Variants in GPC5 observed in about 807,000 individuals in gnomAD.
The protein encoded by GPC5 is glypican-5.
GPC5 carries 47 observed loss-of-function variants against 53.9 expected under a neutral mutation model. The observed-to-expected ratio is 0.87, with a 90% CI of 0.69 to 1.11. GPC5 has a LOEUF of 1.11. Among genes scored for constraint, GPC5 ranks in the 50% most tolerant of loss-of-function variants. The pLI is 0.00. For missense variants in GPC5, 748 were observed against 713.1 expected (o/e 1.05, Z -0.56); for synonymous variants, 286 against 263.3 (o/e 1.09, Z -0.84).
At chr13:91,986,010 C>A (rs182393873) in intron 6 of GPC5, among the ~76,000 whole-genome samples, 93 of 144,428 alleles carry the variant, frequency 6.4e-4, no homozygotes, top group African/African-American at 2.3e-3. Context: ...CACTAGTAGT[C>A]AAAAAGTTTT....
chr13:92,425,745 T>G (rs1202070216), intron 7 of GPC5, among the ~76,000 whole-genome samples: 2 of 152,144 alleles, frequency 1.3e-5, no homozygotes, highest in African/African-American at 4.8e-5. Flanking sequence ...CTAGGAAAGA[T>G]AATTGTTCAT....
chr13:91,488,927 A>G (rs959801986), intron 2 of GPC5, among the ~76,000 whole-genome samples: 6 of 152,176 alleles, frequency 3.9e-5, no homozygotes, highest in African/African-American at 1.4e-4. Flanking sequence ...GGCCTCGAAA[A>G]TGGCCGCTTT....
chr13:91,467,475 C>T (rs1412514078), intron 2 of GPC5, among the ~76,000 whole-genome samples: 6 of 152,124 alleles, frequency 3.9e-5, no homozygotes, highest in Non-Finnish European at 8.8e-5. Flanking sequence ...CCTCATTTTG[C>T]TTTCTTTTCT....
chr13:91,950,255 A>G (rs1373330405), intron 6 of GPC5, among the ~76,000 whole-genome samples: 1 of 147,160 alleles, frequency 6.8e-6, no homozygotes. Context: ...GAATTTTACT[A>G]AAACTGCCAA....
chr13:92,545,930 T>C (rs187525627), intron 7 of GPC5, among the ~76,000 whole-genome samples: 1 of 152,258 alleles, frequency 6.6e-6, no homozygotes, highest in African/African-American at 2.4e-5. Context: ...TTTAATTAGA[T>C]CCCATTTGTC....
In GPC5 at chr13:91,466,284, A is replaced by C. The variant is rs182646184; in HGVS notation, c.325+17362A>C. Among the ~76,000 whole-genome samples, 461 of 152,256 alleles carry C rather than the reference A, an allele frequency of 3.0e-3. 25 individuals carry two copies. The South Asian group carries it at 0.087, about 29-fold the overall frequency. On this transcript the variant is annotated intron_variant, in intron 2 of 7. Transcript: ENST00000377067. ...TACAGCTTCCCTGCTGCCACCCAGG[A>C]GTGCGCTGTATGTAAGTCCTATTAA... is the stretch of plus-strand genomic sequence containing the variant.
At chr13:91,489,209 C>G (rs2139246346) in intron 2 of GPC5, among the ~76,000 whole-genome samples, 1 of 152,298 alleles carries the variant, frequency 6.6e-6, no homozygotes, top group East Asian at 1.9e-4. Context: ...AGCATGTGAT[C>G]TCTGTGACTC....
intron 6 of GPC5, among the ~76,000 whole-genome samples, chr13:92,050,719 G>GTCTGT (rs1234384015): frequency 6.6e-6 from 1 of 152,130 alleles, no homozygotes; most frequent in East Asian, 1.9e-4. Context: ...GTAAATTTGA[G>GTCTGT]TCTGTATAAT....
intron 7 of GPC5, among the ~76,000 whole-genome samples, chr13:92,267,563 C>T (rs1366606673): frequency 6.6e-6 from 1 of 152,046 alleles, no homozygotes; most frequent in Non-Finnish European, 1.5e-5. Flanking sequence ...TTAGTAAAAC[C>T]TGGGACTTGA....
intron 7 of GPC5, among the ~76,000 whole-genome samples, chr13:92,652,999 G>C (rs912907870): frequency 2.0e-5 from 3 of 152,132 alleles, no homozygotes; most frequent in Non-Finnish European, 2.9e-5. Flanking sequence ...TGTAGTGTTT[G>C]TATGGGTGTG....
At chr13:92,402,534 A>G (rs1875604098) in intron 7 of GPC5, among the ~76,000 whole-genome samples, 5 of 152,158 alleles carry the variant, frequency 3.3e-5, no homozygotes, top group Admixed American at 2.6e-4. Context: ...TGTCAGTATA[A>G]TGTCCAAGAA....
chr13:91,699,695 G>C (rs1476026566), intron 3 of GPC5, among the ~76,000 whole-genome samples: 3 of 152,144 alleles, frequency 2.0e-5, no homozygotes, highest in Non-Finnish European at 4.4e-5. Flanking sequence ...AATGAAAGTG[G>C]GCTGACTTTG....
intron 6 of GPC5, among the ~76,000 whole-genome samples, chr13:92,016,959 AATGGTG>A (rs1243718124): frequency 6.6e-6 from 1 of 152,104 alleles, no homozygotes; most frequent in African/African-American, 2.4e-5. Context: ...ACCTCTGGAC[AATGGTG>A]AAAGTACTGT....
intron 7 of GPC5, among the ~76,000 whole-genome samples, chr13:92,764,975 T>C (rs1875336823): frequency 6.6e-6 from 1 of 152,178 alleles, no homozygotes. Flanking sequence ...CCACACACTT[T>C]GTGAAATATA....
chr13:91,412,687 T>C (rs1313658954), intron 1 of GPC5, among the ~76,000 whole-genome samples: 1 of 152,178 alleles, frequency 6.6e-6, no homozygotes, highest in Non-Finnish European at 1.5e-5. Flanking sequence ...AGATTAGAAA[T>C]ACAAATATCT....
At chr13:92,495,357 T>C (rs1879931618) in intron 7 of GPC5, among the ~76,000 whole-genome samples, 2 of 152,322 alleles carry the variant, frequency 1.3e-5, no homozygotes, top group South Asian at 2.1e-4. Flanking sequence ...ATTACAATGA[T>C]GTCTTTTCCT....
intron 7 of GPC5, among the ~76,000 whole-genome samples, chr13:92,506,593 T>A (rs888334407): frequency 6.6e-6 from 1 of 152,120 alleles, no homozygotes; most frequent in African/African-American, 2.4e-5. Flanking sequence ...AAAATGCACC[T>A]CTTACTTCGT....
At chr13:91,575,928 A>C (rs901239449) in intron 2 of GPC5, among the ~76,000 whole-genome samples, 2 of 152,216 alleles carry the variant, frequency 1.3e-5, no homozygotes, top group Non-Finnish European at 2.9e-5. Flanking sequence ...AAGAGAATAC[A>C]AACAGAAAAG....
At chr13:91,778,914 T>C (rs1045984555) in intron 5 of GPC5, among the ~76,000 whole-genome samples, 2 of 152,254 alleles carry the variant, frequency 1.3e-5, no homozygotes, top group Non-Finnish European at 2.9e-5. Flanking sequence ...GCTACTAGGC[T>C]ACAAATCTTT....
Sources: allele counts gnomAD v4.1 joint callset (sites outside exome capture counted in the v4.1 genomes callset), GRCh38; gene constraint gnomAD v4.1.1; transcripts MANE v1.5; gene names NCBI Gene and HGNC (gene_info 2026-07-23, HGNC 2026-07-21).